The following GRM7 variants were observed in gnomAD, a reference collection of about 807,000 sequenced individuals.
GRM7 encodes the protein metabotropic glutamate receptor 7.
A neutral mutation model predicts 84.5 loss-of-function variants in GRM7; 35 were observed. That is an observed-to-expected ratio of 0.41 (90% CI 0.32 to 0.55). The LOEUF (loss-of-function observed/expected upper bound fraction) is 0.55. GRM7 is among the 20% of genes least tolerant of loss of function. The pLI is 0.19. For synonymous variants in GRM7, 487 were observed against 455.1 expected (o/e 1.07, Z -0.89); for missense variants, 1,003 against 1,194.6 (o/e 0.84, Z 2.36).
At chr3:7,439,601 A>C (rs1697202083) in intron 5 of GRM7, among the ~76,000 whole-genome samples, 1 of 152,208 alleles carries the variant, frequency 6.6e-6, no homozygotes, top group African/African-American at 2.4e-5. Context: ...AAGTCAAGAC[A>C]TACAGGGGTT....
chr3:7,204,495 G>T (rs1696168729), intron 2 of GRM7, among the ~76,000 whole-genome samples: 1 of 152,026 alleles, frequency 6.6e-6, no homozygotes, highest in Non-Finnish European at 1.5e-5. Flanking sequence ...AGTCCATTGT[G>T]GACAAAGGGA....
At chr3:6,889,923 T>G (rs910936370) in intron 1 of GRM7, among the ~76,000 whole-genome samples, 20 of 151,984 alleles carry the variant, frequency 1.3e-4, no homozygotes, top group African/African-American at 4.6e-4. Context: ...TGTTATTGGT[T>G]TATTCAGAGA....
chr3:6,988,156 C>A (rs1344855523), intron 1 of GRM7, among the ~76,000 whole-genome samples: 1 of 147,094 alleles, frequency 6.8e-6, no homozygotes, highest in Non-Finnish European at 1.5e-5. Context: ...ACCATCACGC[C>A]TGGCTAATTT....
At chr3:7,127,816 A>C (rs1255545612) in intron 1 of GRM7, among the ~76,000 whole-genome samples, 1 of 152,086 alleles carries the variant, frequency 6.6e-6, no homozygotes, top group East Asian at 1.9e-4. Context: ...GCCTAACCCC[A>C]ATGATCGATT....
chr3:7,203,766 T>C lies in GRM7; in HGVS notation c.736+57098T>C, dbSNP rs548517923. Among the ~76,000 whole-genome samples, 34 of 152,338 alleles carry C rather than the reference T, an allele frequency of 2.2e-4. No individual in the cohort carries two copies. In the South Asian group the frequency reaches 2.3e-3, roughly 10 times the overall value. On this transcript the variant is annotated intron_variant, in intron 2 of 9. Coordinates refer to ENST00000357716, the MANE Select transcript of GRM7 (RefSeq NM_000844.4). ...TTAATAAGATTATGAAACTTCTGAA[T>C]ATATTGAACATCTTATGCTATATAA...
intron 7 of GRM7, among the ~76,000 whole-genome samples, chr3:7,517,448 A>C (rs182268610): frequency 1.4e-3 from 219 of 152,242 alleles, no homozygotes; most frequent in African/African-American, 5.1e-3. Flanking sequence ...GCTGGAGTGC[A>C]GTTGCATGAT....
At chr3:7,358,292 C>A (rs1264013711) in intron 4 of GRM7, among the ~76,000 whole-genome samples, 1 of 152,098 alleles carries the variant, frequency 6.6e-6, no homozygotes, top group Non-Finnish European at 1.5e-5. Flanking sequence ...AAGCCAAGGG[C>A]AGACTAAATT....
rs750971794 is a variant in GRM7, at chr3:7,578,970, G to C, written c.2064G>C (p.Lys688Asn). Residue 688 changes from lysine (K) to asparagine (N), a missense_variant, in exon 8 of 10, where the codon AAG (lysine) becomes AAC (asparagine). Around this residue, in one of 2 missense-constraint regions of GRM7, gnomAD observed 910 missense variants for 1,126.0 expected, o/e 0.81. Coordinates refer to ENST00000357716, the MANE Select transcript of GRM7 (RefSeq NM_000844.4). ...NRIYRIFEQG[K>N]KSVTAPRLIS... ...TTTATCGCATATTTGAGCAGGGCAAGAAATCAGTAACAGCTCCCAGACTCA... is the reference window on the plus strand; with the variant it reads ...TTTATCGCATATTTGAGCAGGGCAACAAATCAGTAACAGCTCCCAGACTCA... 1.2e-6 allele frequency: 2 copies of C among 1,614,160 alleles called. No homozygotes were observed. The highest frequency in any genetic ancestry group is 4.5e-5 in the East Asian group (2 of 44,888).
chr3:7,622,578 A>G (rs1246627377), intron 8 of GRM7, among the ~76,000 whole-genome samples: 1 of 152,098 alleles, frequency 6.6e-6, no homozygotes, highest in African/African-American at 2.4e-5. Flanking sequence ...ACACTGTGGC[A>G]TAGAGAATAC....
chr3:7,055,739 C>T (rs77155651), intron 1 of GRM7, among the ~76,000 whole-genome samples: 8,411 of 151,802 alleles, frequency 0.055, 323 homozygotes, highest in Middle Eastern at 0.088. Context: ...TACGCTGATC[C>T]GAAACTCCTG....
chr3:6,891,656 GC>G (rs1327264937), intron 1 of GRM7, among the ~76,000 whole-genome samples: 3 of 152,260 alleles, frequency 2.0e-5, no homozygotes, highest in African/African-American at 7.2e-5. Context: ...CTCTCTGGCT[GC>G]CCTTAACATT....
At chr3:7,637,028 T>C (rs554582903) in intron 8 of GRM7, among the ~76,000 whole-genome samples, 2 of 152,360 alleles carry the variant, frequency 1.3e-5, no homozygotes, top group Non-Finnish European at 2.9e-5. Context: ...CTCCAGATGA[T>C]TTGAGGCATT....
At chr3:7,392,094 C>T (rs1296452743) in intron 4 of GRM7, among the ~76,000 whole-genome samples, 6 of 152,182 alleles carry the variant, frequency 3.9e-5, no homozygotes, top group Non-Finnish European at 7.3e-5. Context: ...CTATCCCCTC[C>T]TTTGGTGTGG....
Position 7,279,695 on chromosome 3 carries a change from C to A in GRM7, c.737-18989C>A, listed in dbSNP as rs530437835. Among the ~76,000 whole-genome samples, 58 of 152,298 alleles carry A rather than the reference C, an allele frequency of 3.8e-4. 1 individual carries two copies. In the South Asian group the frequency reaches 0.012, roughly 30 times the overall value. ...CTGAGACCTTCATGCCTTCTCAGCTCTACTTCCATAAGACACAGCTGAACT... is the reference window on the plus strand; with the variant it reads ...CTGAGACCTTCATGCCTTCTCAGCTATACTTCCATAAGACACAGCTGAACT... On this transcript the variant is annotated intron_variant, in intron 2 of 9. Transcript: ENST00000357716.
intron 2 of GRM7, among the ~76,000 whole-genome samples, chr3:7,292,301 T>C (rs552882094): frequency 2.4e-4 from 36 of 152,342 alleles, no homozygotes; most frequent in Middle Eastern, 6.8e-3. Flanking sequence ...ATGATTCCTC[T>C]AACAAGACGT....
intron 1 of GRM7, among the ~76,000 whole-genome samples, chr3:7,001,468 A>G (rs1224254930): frequency 1.3e-5 from 2 of 152,226 alleles, no homozygotes; most frequent in Non-Finnish European, 2.9e-5. Flanking sequence ...GAGCTACTTA[A>G]TTATGAGCTT....
At chr3:7,259,060 T>G (rs188566746) in intron 2 of GRM7, among the ~76,000 whole-genome samples, 5 of 152,346 alleles carry the variant, frequency 3.3e-5, no homozygotes, top group African/African-American at 1.2e-4. Context: ...GATAGAGCAC[T>G]TAAAGGCTGG....
chr3:7,463,864 T>C (rs947274745), intron 7 of GRM7, among the ~76,000 whole-genome samples: 2 of 152,170 alleles, frequency 1.3e-5, no homozygotes, highest in African/African-American at 4.8e-5. Context: ...TAAAAGCCAC[T>C]AAGAAGTACT....
intron 9 of GRM7, among the ~76,000 whole-genome samples, chr3:7,721,917 A>C (rs1475238225): frequency 2.6e-5 from 4 of 152,238 alleles, no homozygotes; most frequent in African/African-American, 9.6e-5. Context: ...TCGAGGTCAC[A>C]CTTTCACAGA....
Sources: gnomAD v4.1 joint callset for allele counts (sites outside exome capture counted in the v4.1 genomes callset) on GRCh38, gnomAD v4.1.1 for gene constraint, gnomAD v4.1.1 regional missense constraint, MANE v1.5 for transcripts, NCBI Gene and HGNC (gene_info 2026-07-23, HGNC 2026-07-21) for gene names.